The following CDR2L variants were observed in gnomAD, a reference collection of about 807,000 sequenced individuals.
CDR2L encodes cerebellar degeneration related protein 2 like, also known as cerebellar degeneration-related protein 2-like.
In CDR2L, 19 loss-of-function variants were observed where a neutral mutation model predicts 36.1. The ratio of observed to expected loss-of-function variants is 0.53; its 90% confidence interval spans 0.37 to 0.77. The LOEUF is 0.77. Among genes scored for constraint, CDR2L ranks in the 30% least tolerant of loss-of-function variants. CDR2L has a pLI of 0.00. For missense variants in CDR2L, 575 were observed against 627.2 expected (o/e 0.92, Z 0.89); for synonymous variants, 285 against 280.4 (o/e 1.02, Z -0.16).
In CDR2L at chr17:75,004,285, C is replaced by A; in HGVS notation, c.*211C>A. On this transcript the variant is annotated 3_prime_UTR_variant, in exon 5 of 5. Transcript: ENST00000337231. ...AGCCCTTGGCCACCTCGCGCCAGCC[C>A]AAAGGCGCAGCTCTGAGTTCAAAGC... The A allele has an allele frequency of 1.8e-6, 1 of 554,000 alleles. No homozygotes were observed. Among genetic ancestry groups the A allele is most frequent in the Non-Finnish European group, 3.2e-6 (1 of 312,734 alleles). The allele number at this position is 554,000 out of a possible 1,614,324, so 34.3% of individuals were successfully genotyped here. A position where few individuals can be genotyped will look rare whatever the true frequency, so the allele number is the denominator to read the frequency against.
intron 1 of CDR2L, among the ~76,000 whole-genome samples, chr17:74,992,605 C>T (rs562974552): frequency 3.6e-4 from 55 of 152,316 alleles, no homozygotes; most frequent in Non-Finnish European, 6.5e-4. Context: ...GTTCCCTGCT[C>T]TGCAACTTCT....
intron 1 of CDR2L, among the ~76,000 whole-genome samples, chr17:74,994,261 A>G (rs1598652951): frequency 6.6e-6 from 1 of 152,224 alleles, no homozygotes. Flanking sequence ...CACTATGTCT[A>G]AAAAGGGAAA....
At chr17:74,997,919 TAAA>T (rs35218405) in intron 1 of CDR2L, among the ~76,000 whole-genome samples, 15 of 125,986 alleles carry the variant, frequency 1.2e-4, no homozygotes, top group African/African-American at 2.7e-4. Flanking sequence ...TTTTAGAAGT[TAAA>T]AAAAAAAAAA....
chr17:74,987,968 C>A lies in CDR2L; in HGVS notation c.-76C>A. The stretch of plus-strand genomic sequence containing the variant: ...CCGACGCTGGAGGCCCGGCCCGCCT[C>A]AGCCGCATTGTCCCGGGCCGCGCGC... On this transcript the variant is annotated 5_prime_UTR_variant, in exon 1 of 5. Transcript: ENST00000337231. 1.3e-6 allele frequency: 1 copy of A among 798,220 alleles called. No homozygotes were observed. Among genetic ancestry groups the A allele is most frequent in the Non-Finnish European group, 1.7e-6 (1 of 583,076 alleles). 49.4% of individuals were successfully genotyped at this position (798,220 alleles called of 1,614,324 possible). A position where few individuals can be genotyped will look rare whatever the true frequency, so the allele number is the denominator to read the frequency against.
intron 1 of CDR2L, among the ~76,000 whole-genome samples, chr17:74,997,617 G>A (rs943013961): frequency 3.3e-5 from 5 of 152,086 alleles, no homozygotes; most frequent in South Asian, 2.1e-4. Context: ...TGCCAGGTGC[G>A]GTGGCTCACG....
Position 75,003,362 on chromosome 17 carries a change from A to C in CDR2L, c.686A>C (p.Glu229Ala), listed in dbSNP as rs766146391. The stretch of plus-strand genomic sequence containing the variant: ...ACCGCGGTGCTGCAGGAGTACTCGG[A>C]GCTGGAGCGCCAGCTGTGCGAGATG... The part of the protein sequence containing the change: ...EYTAVLQEYS[E>A]LERQLCEMEA... Residue 229 changes from glutamate (E) to alanine (A), a missense_variant, in exon 5 of 5, where the codon GAG becomes GCG. Transcript: ENST00000337231. The C allele has an allele frequency of 6.4e-7, 1 of 1,558,496 alleles. No homozygotes were observed. Among genetic ancestry groups the C allele is most frequent in the African/African-American group, 1.4e-5 (1 of 73,372 alleles).
rs2039784635 is a variant in CDR2L, at chr17:74,989,572, G to A, written c.79+1450G>A. Among the ~76,000 whole-genome samples the A allele has an allele frequency of 6.6e-6, 1 of 152,160 alleles. No homozygotes were observed. The highest frequency in any genetic ancestry group is 2.4e-5 in the African/African-American group (1 of 41,432). ...TAGGAATAGTCACAGCCCTGACCCT[G>A]AAGGTATACCCTGGCAGGTGAAGGA... On this transcript the variant is annotated intron_variant, in intron 1 of 4. Coordinates refer to ENST00000337231, the MANE Select transcript of CDR2L (RefSeq NM_014603.3). The surrounding 1 kb of genome is among the most constrained non-coding windows in gnomAD (Gnocchi z 4.2).
intron 1 of CDR2L, among the ~76,000 whole-genome samples, chr17:74,994,131 C>T (rs1380496955): frequency 1.3e-5 from 2 of 152,196 alleles, no homozygotes; most frequent in African/African-American, 4.8e-5. Context: ...GGCTCCCCAG[C>T]TATTATTTCT....
intron 2 of CDR2L, among the ~76,000 whole-genome samples, chr17:75,000,206 T>C (rs2039856597): frequency 6.6e-6 from 1 of 152,170 alleles, no homozygotes; most frequent in African/African-American, 2.4e-5. Context: ...AGCCTGGAGG[T>C]TGAGGCTGCA....
rs150483007 is a variant in CDR2L, at chr17:74,989,929, A to G, written c.79+1807A>G. ...GCTGGGATTACAGGCGTGAGCCACC[A>G]CGCCCGGCTGGTGGCACAGTATTAT... On this transcript the variant is annotated intron_variant, in intron 1 of 4. Transcript: ENST00000337231. This position sits in a 1 kb window ranked among gnomAD's most constrained non-coding sequence, Gnocchi z 4.2. 0.02 allele frequency among the ~76,000 whole-genome samples: 3,028 copies of G among 152,154 alleles called. 49 individuals carry two copies. The highest frequency in any genetic ancestry group is 0.065 in the Middle Eastern group (19 of 294).
intron 1 of CDR2L, among the ~76,000 whole-genome samples, chr17:74,992,171 T>C (rs1185065254): frequency 2.0e-5 from 3 of 152,120 alleles, no homozygotes; most frequent in Non-Finnish European, 4.4e-5. Context: ...GAATCTGTGG[T>C]GCCCGAGCCA....
chr17:75,002,111 A>T lies in CDR2L; in HGVS notation c.389A>T (p.Gln130Leu), dbSNP rs1283768139. The T allele has an allele frequency of 6.2e-7, 1 of 1,601,150 alleles. No homozygotes were observed. The highest frequency in any genetic ancestry group is 8.5e-7 in the Non-Finnish European group (1 of 1,174,814). Residue 130 changes from glutamine to leucine, a missense_variant, in exon 4 of 5, where the codon CAG becomes CTG. Gln to Leu is a moderately radical substitution (Grantham distance 113, BLOSUM62 -2). Transcript: ENST00000337231. The surrounding 1 kb of genome is among the most constrained non-coding windows in gnomAD (Gnocchi z 4.1). ...CTCCAGGCTCAGGTGGAGGAGCTGC[A>T]GGCCCAGGTGGAGCAACTGAGAGGC... The part of the protein sequence containing the change: ...ERLQAQVEEL[Q>L]AQVEQLRGLE...
rs1194167030 is a variant in CDR2L at position 74,987,670 on chromosome 17, A to T, written c.-374A>T. The T allele has an allele frequency of 1.3e-5, 2 of 155,740 alleles. No individual in the cohort carries two copies. The highest frequency in any genetic ancestry group is 2.8e-5 in the Non-Finnish European group (2 of 70,558). 9.6% of individuals were successfully genotyped at this position (155,740 alleles called of 1,614,324 possible). The stretch of plus-strand genomic sequence containing the variant: ...GGCTCCGGTTGTCGCCGGGCGGGCC[A>T]GGAGCAGCGCGGACCCGAGCCGGGC... On this transcript the variant is annotated 5_prime_UTR_variant, in exon 1 of 5. Coordinates refer to ENST00000337231, the MANE Select transcript of CDR2L (RefSeq NM_014603.3).
At chr17:74,991,781 C>T (rs2039798977) in intron 1 of CDR2L, among the ~76,000 whole-genome samples, 1 of 152,170 alleles carries the variant, frequency 6.6e-6, no homozygotes, top group African/African-American at 2.4e-5. Flanking sequence ...TCTTTCGGCC[C>T]ACATTCCTCC....
In CDR2L at chr17:75,003,558, C is replaced by T; in HGVS notation, c.882C>T (p.Asp294=). The part of the protein sequence containing the change: ...EADDPQPGRG[D]DLGAQDGVSS... ...ACGATCCCCAGCCCGGCCGCGGGGACGACTTGGGCGCCCAGGACGGGGTCT... is the reference window on the plus strand; with the variant it reads ...ACGATCCCCAGCCCGGCCGCGGGGATGACTTGGGCGCCCAGGACGGGGTCT... The change falls in exon 5 of 5, where the codon GAC becomes GAT. Residue 294 remains aspartate (D), a synonymous_variant. Transcript: ENST00000337231. The T allele has an allele frequency of 6.6e-7, 1 of 1,510,156 alleles. No individual in the cohort carries two copies. The highest frequency in any genetic ancestry group is 8.9e-7 in the Non-Finnish European group (1 of 1,127,822). 93.5% of individuals were successfully genotyped at this position (1,510,156 alleles called of 1,614,324 possible).
At chr17:74,997,032 T>TTTTCTTTCTTTC (rs1157949627) in intron 1 of CDR2L, among the ~76,000 whole-genome samples, 84 of 137,558 alleles carry the variant, frequency 6.1e-4, no homozygotes, top group African/African-American at 2.0e-3. Flanking sequence ...CTATTCACCC[T>TTTTCTTTCTTTC]TTTCTTTCTT....
chr17:74,995,449 C>A (rs1284841258), intron 1 of CDR2L, among the ~76,000 whole-genome samples: 8 of 152,106 alleles, frequency 5.3e-5, no homozygotes, highest in African/African-American at 1.9e-4. Context: ...AGGCGTGAGC[C>A]ACCATACCCG....
At chr17:74,988,309 C>T (rs530208522) in intron 1 of CDR2L, among the ~76,000 whole-genome samples, 187 bp downstream of exon 1, 1 of 152,244 alleles carries the variant, frequency 6.6e-6, no homozygotes, top group South Asian at 2.1e-4. Flanking sequence ...AGACGCGGAC[C>T]GGACGGGCGG....
In CDR2L at chr17:75,001,072, A is replaced by G. The variant is rs2039863741; in HGVS notation, c.193-269A>G. On this transcript the variant is annotated intron_variant, in intron 2 of 4. Transcript: ENST00000337231. ...AATATAGTGAAACCCTGTCTCTACT[A>G]AAAATACCAAAATTAGCCAGGCATG... 4.0e-5 allele frequency among the ~76,000 whole-genome samples: 6 copies of G among 151,826 alleles called. No individual in the cohort carries two copies. In the South Asian group the frequency reaches 1.2e-3, roughly 32 times the overall value.
Sources: gnomAD v4.1 joint callset for allele counts (sites outside exome capture counted in the v4.1 genomes callset) on GRCh38, gnomAD v4.1.1 for gene constraint, Gnocchi (gnomAD v3.1) non-coding constraint, MANE v1.5 for transcripts, NCBI Gene and HGNC (gene_info 2026-07-23, HGNC 2026-07-21) for gene names.